Variants in GTF2H3 observed in about 807,000 individuals in gnomAD.
GTF2H3 encodes the protein general transcription factor IIH subunit 3, also known as TFIIH basal transcription factor complex p34 subunit.
Under a neutral mutation model 51.1 loss-of-function variants are expected in GTF2H3, and 42 were observed. That is an observed-to-expected ratio of 0.82 (90% CI 0.64 to 1.06). GTF2H3 has a LOEUF of 1.06. GTF2H3 is among the 50% of genes least tolerant of loss of function. The pLI, the probability that GTF2H3 is intolerant of heterozygous loss-of-function variation, is 0.00. For missense variants in GTF2H3, 326 were observed against 366.1 expected (o/e 0.89, Z 0.89); for synonymous variants, 123 against 123.8 (o/e 0.99, Z 0.04).
chr12:123,651,462 C>T (rs1404287778), intron 5 of GTF2H3, among the ~76,000 whole-genome samples: 1 of 152,150 alleles, frequency 6.6e-6, no homozygotes, highest in East Asian at 1.9e-4. Flanking sequence ...CCACCCACCT[C>T]GGCCTCTCAA....
chr12:123,646,197 T>C (rs527918073), intron 3 of GTF2H3, among the ~76,000 whole-genome samples: 1 of 152,162 alleles, frequency 6.6e-6, no homozygotes, highest in South Asian at 2.1e-4. Context: ...TATTTACTTC[T>C]CACATTATGC....
intron 10 of GTF2H3, 22 bp from the exon 11 acceptor site, chr12:123,659,773 C>T: frequency 6.2e-7 from 1 of 1,602,146 alleles, no homozygotes; most frequent in Non-Finnish European, 8.5e-7. Flanking sequence ...ATAAAAGTTT[C>T]TTTTGTTTGT....
chr12:123,642,338 T>C (rs1410435684), intron 2 of GTF2H3, among the ~76,000 whole-genome samples: 1 of 152,024 alleles, frequency 6.6e-6, no homozygotes, highest in Non-Finnish European at 1.5e-5. Flanking sequence ...ACCCAGCTAA[T>C]TTTTGTATTT....
At chr12:123,641,596 T>C (rs1955375564) in intron 2 of GTF2H3, among the ~76,000 whole-genome samples, 1 of 150,692 alleles carries the variant, frequency 6.6e-6, no homozygotes, top group South Asian at 2.1e-4. Flanking sequence ...ATAGCAGTGC[T>C]AGGATTACAA....
intron 2 of GTF2H3, among the ~76,000 whole-genome samples, chr12:123,643,891 C>T (rs1955412266): frequency 6.6e-6 from 1 of 152,094 alleles, no homozygotes; most frequent in South Asian, 2.1e-4. Context: ...AGTGCAGTGG[C>T]ACGATCTCAG....
chr12:123,654,974 T>C lies in GTF2H3; in HGVS notation c.537T>C (p.Asn179=). Reference sequence around the variant, plus strand: ...CGTTGCAGTATATGAACTTCATGAATGTCATCTTTGCAGCACAGAAACAGG... The same window carrying C: ...CGTTGCAGTATATGAACTTCATGAACGTCATCTTTGCAGCACAGAAACAGG... ...DSALQYMNFM[N]VIFAAQKQNI... The change falls in exon 8 of 13, where the codon AAT becomes AAC. Residue 179 remains asparagine, a synonymous_variant. Transcript: ENST00000543341. 6.2e-7 allele frequency: 1 copy of C among 1,613,006 alleles called. No individual in the cohort carries two copies.
In GTF2H3 at chr12:123,654,921, T is replaced by G; in HGVS notation, c.487-3T>G. ...GTGGAATTAACATGACTGTGATTTT[T>G]AGGTGATTAAGGCTGCAGAAGACAG... On this transcript the variant is annotated splice_region_variant and splice_polypyrimidine_tract_variant and intron_variant, in intron 7 of 12. Coordinates refer to ENST00000543341, the MANE Select transcript of GTF2H3 (RefSeq NM_001516.5). The G allele has an allele frequency of 1.2e-6, 2 of 1,608,580 alleles. No individual in the cohort carries two copies. The highest frequency in any genetic ancestry group is 1.7e-6 in the Non-Finnish European group (2 of 1,174,962).
intron 1 of GTF2H3, among the ~76,000 whole-genome samples, chr12:123,637,455 T>C (rs916598566): frequency 6.6e-6 from 1 of 152,130 alleles, no homozygotes; most frequent in Non-Finnish European, 1.5e-5. Context: ...AGAATTCCTC[T>C]TAACAGTAAA....
chr12:123,643,400 G>A (rs140270249), intron 2 of GTF2H3, among the ~76,000 whole-genome samples: 12 of 152,276 alleles, frequency 7.9e-5, no homozygotes, highest in African/African-American at 2.2e-4. Flanking sequence ...TTAAACATCC[G>A]CCAGCACATC....
At position 123,654,991 on chromosome 12, in the gene GTF2H3, A is replaced by C. The variant is rs1275956970; in HGVS notation, c.554A>C (p.Gln185Pro). 6.2e-7 allele frequency: 1 copy of C among 1,611,172 alleles called. No homozygotes were observed. The highest frequency in any genetic ancestry group is 1.7e-5 in the Admixed American group (1 of 60,022). ...TTCATGAATGTCATCTTTGCAGCAC[A>C]GAAACAGGTGAACTGAGAGCCTGCC... Reference protein sequence around the residue: ...MNFMNVIFAAQKQNILIDACV... With the variant: ...MNFMNVIFAAPKQNILIDACV... The change falls in exon 8 of 13, where the codon CAG (glutamine) becomes CCG (proline). Residue 185 changes from glutamine to proline, a missense_variant. Physicochemically the swap from Gln to Pro is moderately conservative, Grantham distance 76. Coordinates refer to ENST00000543341, the MANE Select transcript of GTF2H3 (RefSeq NM_001516.5).
At chr12:123,641,537 T>G (rs56275351) in intron 2 of GTF2H3, among the ~76,000 whole-genome samples, 1,879 of 143,794 alleles carry the variant, frequency 0.013, 52 homozygotes, top group East Asian at 0.096. Context: ...GTTTTTTTTT[T>G]TGTGTGTTTT....
rs1566219599 is a variant in GTF2H3 at position 123,633,836 on chromosome 12, CT to C, written c.-23del. On this transcript the variant is annotated 5_prime_UTR_variant, in exon 1 of 13. Coordinates refer to ENST00000543341, the MANE Select transcript of GTF2H3 (RefSeq NM_001516.5). Reference sequence around the variant, plus strand: ...GACGCTCCCCTGACCACCACTTGCTCTGCGCTGAGGTGCTGGGACAGCCATG... The same window carrying C: ...GACGCTCCCCTGACCACCACTTGCTCGCGCTGAGGTGCTGGGACAGCCATG... 1.9e-6 allele frequency: 3 copies of C among 1,612,612 alleles called. No homozygotes were observed. In the Middle Eastern group the frequency reaches 5.0e-4, roughly 266 times the overall value.
At chr12:123,648,159 T>G in intron 4 of GTF2H3, 33 bp downstream of exon 4, 1 of 1,466,952 alleles carries the variant, frequency 6.8e-7, no homozygotes. Flanking sequence ...ATTTTGCAAA[T>G]AGTGTTGATT....
At chr12:123,649,495 C>T (rs1955493790) in intron 4 of GTF2H3, 1 of 152,270 alleles carries the variant, frequency 6.6e-6, no homozygotes, top group Admixed American at 6.5e-5. Flanking sequence ...AGCCACTGCT[C>T]TAGATTGTTA....
At chr12:123,640,592 C>T (rs1248879064) in intron 2 of GTF2H3, among the ~76,000 whole-genome samples, 1 of 152,096 alleles carries the variant, frequency 6.6e-6, no homozygotes, top group Non-Finnish European at 1.5e-5. Flanking sequence ...CCTACCTCGG[C>T]CTCCCAAAGT....
chr12:123,639,407 T>TA, intron 2 of GTF2H3, 64 bp downstream of exon 2: 1 of 781,560 alleles, frequency 1.3e-6, no homozygotes, highest in African/African-American at 1.7e-5. Flanking sequence ...ATTGCTTTTT[T>TA]AAAAAATGGC....
In GTF2H3 at chr12:123,657,679, T is replaced by C. The variant is rs1437739593; in HGVS notation, c.616-1837T>C. Among the ~76,000 whole-genome samples the C allele has an allele frequency of 2.6e-5, 4 of 152,378 alleles. 1 individual carries two copies. The East Asian group carries it at 7.7e-4, about 29-fold the overall frequency. ...CTTACCTGATTTACTCTCTGCCTTC[T>C]CCACTAGAACCTTAACTTCATGAGG... On this transcript the variant is annotated intron_variant, in intron 9 of 12. Transcript: ENST00000543341.
chr12:123,657,185 T>C (rs1407243847), intron 9 of GTF2H3, among the ~76,000 whole-genome samples: 5 of 151,888 alleles, frequency 3.3e-5, no homozygotes, highest in Non-Finnish European at 7.4e-5. Flanking sequence ...TTTTTTTTTT[T>C]AACAGTAAAC....
chr12:123,640,700 C>T (rs1159350462), intron 2 of GTF2H3, among the ~76,000 whole-genome samples: 7 of 152,062 alleles, frequency 4.6e-5, no homozygotes, highest in Non-Finnish European at 8.8e-5. Flanking sequence ...AAAATAAAAT[C>T]AGAAGAATAA....
Sources: allele counts gnomAD v4.1 joint callset (sites outside exome capture counted in the v4.1 genomes callset), GRCh38; gene constraint gnomAD v4.1.1; transcripts MANE v1.5; gene names NCBI Gene and HGNC (gene_info 2026-07-23, HGNC 2026-07-21).